The following MAP4 variants were observed in gnomAD, a reference collection of about 807,000 sequenced individuals.
MAP4 encodes microtubule associated protein 4, also known as microtubule-associated protein 4.
In MAP4, 76 loss-of-function variants were observed where a neutral mutation model predicts 170.2. The observed-to-expected ratio is 0.45, with a 90% CI of 0.37 to 0.54. The LOEUF (loss-of-function observed/expected upper bound fraction) is 0.54. MAP4 is among the 20% of genes least tolerant of loss of function. The pLI is 0.00. For synonymous variants in MAP4, 909 were observed against 994.5 expected (o/e 0.91, Z 1.62); for missense variants, 2,506 against 2,748.0 (o/e 0.91, Z 1.97).
rs2100097719 is a variant in MAP4, at chr3:47,998,887, AGAG to A, written c.-19-11_-19-9del. 6.8e-7 allele frequency: 1 copy of A among 1,477,220 alleles called. No homozygotes were observed. The highest frequency in any genetic ancestry group is 9.5e-7 in the Non-Finnish European group (1 of 1,055,852). 91.5% of individuals were successfully genotyped at this position (1,477,220 alleles called of 1,614,324 possible). ...CTGCACCACTGCAACTGCCTGGTGA[AGAG>A]GAAAAAGATCTTTCATGTAACGAGC... On this transcript the variant is annotated splice_polypyrimidine_tract_variant and intron_variant, in intron 1 of 20. Coordinates refer to ENST00000683076, the MANE Select transcript of MAP4 (RefSeq NM_001385682.1).
At chr3:48,075,753 C>T (rs978233365) in intron 1 of MAP4, among the ~76,000 whole-genome samples, 33 of 151,734 alleles carry the variant, frequency 2.2e-4, no homozygotes, top group African/African-American at 6.8e-4. Flanking sequence ...GCAGGTGAAT[C>T]ACCCGAGGTC....
intron 1 of MAP4, among the ~76,000 whole-genome samples, chr3:48,059,052 T>G (rs1347525985): frequency 6.6e-6 from 1 of 152,188 alleles, no homozygotes; most frequent in Admixed American, 6.5e-5. Context: ...GTGCTGAGAT[T>G]ACAGGTGTGA....
At chr3:47,869,798 A>T (rs1271863592) in intron 15 of MAP4, among the ~76,000 whole-genome samples, 1 of 152,098 alleles carries the variant, frequency 6.6e-6, no homozygotes, top group Non-Finnish European at 1.5e-5. Flanking sequence ...CAAGTCACTC[A>T]ACTCCCCACC....
intron 10 of MAP4, chr3:47,891,866 C>G: frequency 1.3e-6 from 2 of 1,536,168 alleles, no homozygotes; most frequent in Non-Finnish European, 1.7e-6. Flanking sequence ...AGGGGTGATG[C>G]TATTCTCCAT....
intron 1 of MAP4, among the ~76,000 whole-genome samples, chr3:48,050,676 A>G (rs1004823236): frequency 6.6e-6 from 1 of 151,922 alleles, no homozygotes; most frequent in African/African-American, 2.4e-5. Flanking sequence ...TGGGAGGCTG[A>G]GGCAGGCGGA....
intron 2 of MAP4, among the ~76,000 whole-genome samples, chr3:47,981,766 C>T (rs1048368226): frequency 2.1e-4 from 22 of 106,786 alleles, no homozygotes; most frequent in Non-Finnish European, 4.4e-4. Context: ...CTCCATCTCC[C>T]AAAAAAAAAA....
At chr3:47,993,284 T>G (rs990710099) in intron 2 of MAP4, among the ~76,000 whole-genome samples, 2 of 152,112 alleles carry the variant, frequency 1.3e-5, no homozygotes, top group Non-Finnish European at 2.9e-5. Flanking sequence ...TGGTTACACC[T>G]GTAAATAGTC....
At chr3:47,857,684 C>T (rs1321900488) in intron 17 of MAP4, among the ~76,000 whole-genome samples, 172 bp from the exon 18 acceptor site, 2 of 151,840 alleles carry the variant, frequency 1.3e-5, no homozygotes, top group African/African-American at 4.8e-5. Context: ...AAAGAGCCCT[C>T]GACCCACCCT....
intron 1 of MAP4, among the ~76,000 whole-genome samples, chr3:48,006,332 T>G (rs556826410): frequency 5.3e-5 from 8 of 152,196 alleles, no homozygotes; most frequent in Non-Finnish European, 1.0e-4. Flanking sequence ...CTTTGGGGAC[T>G]ACTGGACACT....
chr3:48,075,213 G>A (rs186713094), intron 1 of MAP4, among the ~76,000 whole-genome samples: 2 of 152,204 alleles, frequency 1.3e-5, no homozygotes, highest in East Asian at 1.9e-4. Flanking sequence ...TGGCATAGAC[G>A]TACACCAATG....
chr3:47,903,932 T>C (rs576919216), intron 9 of MAP4, among the ~76,000 whole-genome samples: 1 of 152,340 alleles, frequency 6.6e-6, no homozygotes, highest in South Asian at 2.1e-4. Flanking sequence ...TAAATTAACC[T>C]CTAATTCACA....
chr3:48,002,305 A>C (rs532452611), intron 1 of MAP4, among the ~76,000 whole-genome samples: 1 of 151,804 alleles, frequency 6.6e-6, no homozygotes, highest in African/African-American at 2.4e-5. Context: ...TCACACCTGT[A>C]ATCCCAGCAC....
chr3:47,987,610 G>A (rs1488923834), intron 2 of MAP4, among the ~76,000 whole-genome samples: 1 of 152,142 alleles, frequency 6.6e-6, no homozygotes, highest in Non-Finnish European at 1.5e-5. Context: ...TCTCCATTTC[G>A]ATGACTAGCA....
intron 1 of MAP4, among the ~76,000 whole-genome samples, chr3:48,029,096 A>G (rs547050238): frequency 6.7e-6 from 1 of 148,640 alleles, no homozygotes; most frequent in South Asian, 2.2e-4. Context: ...AGTGAGTCGA[A>G]ATTGTGCCAC....
intron 6 of MAP4, among the ~76,000 whole-genome samples, chr3:47,917,686 T>C (rs908241260): frequency 6.6e-6 from 1 of 151,686 alleles, no homozygotes; most frequent in Non-Finnish European, 1.5e-5. Context: ...TGTAAAATAC[T>C]GGGAGGACAA....
At position 47,909,759 on chromosome 3, in the gene MAP4, T is replaced by C; in HGVS notation, c.4662A>G (p.Ser1554=). 6.2e-7 allele frequency: 1 copy of C among 1,614,060 alleles called. No individual in the cohort carries two copies. The highest frequency in any genetic ancestry group is 8.5e-7 in the Non-Finnish European group (1 of 1,179,896). ...DEGHVIGESE[S]VHSGASKHSV... ...AATGCTTAGACGCACCACTGTGCAC[T>C]GACTCAGATTCTCCTATCACATGCC... The change falls in exon 9 of 21, where the codon TCA becomes TCG. Residue 1554 remains serine, a synonymous_variant. Transcript: ENST00000683076.
intron 2 of MAP4, among the ~76,000 whole-genome samples, chr3:47,979,192 T>C (rs2100083951): frequency 1.3e-5 from 2 of 152,038 alleles, no homozygotes; most frequent in South Asian, 4.1e-4. Context: ...AAGTTTCTAT[T>C]CCTGTACATT....
chr3:47,947,183 A>T (rs2100060565), intron 3 of MAP4, among the ~76,000 whole-genome samples: 1 of 152,306 alleles, frequency 6.6e-6, no homozygotes, highest in Non-Finnish European at 1.5e-5. Flanking sequence ...ATGTCCAAAC[A>T]TTGTACTTTT....
intron 1 of MAP4, among the ~76,000 whole-genome samples, chr3:48,049,190 T>G (rs2100126211): frequency 6.6e-6 from 1 of 152,264 alleles, no homozygotes. Context: ...ACATTTGGAT[T>G]GGTTCACATT....
Sources: gnomAD v4.1 joint callset for allele counts (sites outside exome capture counted in the v4.1 genomes callset) on GRCh38, gnomAD v4.1.1 for gene constraint, MANE v1.5 for transcripts, NCBI Gene and HGNC (gene_info 2026-07-23, HGNC 2026-07-21) for gene names.